ADGRV1: variants seen among roughly 807,000 people sequenced by gnomAD.
ADGRV1 encodes adhesion G protein-coupled receptor V1.
Under a neutral mutation model 596.2 loss-of-function variants are expected in ADGRV1, and 359 were observed. That is an observed-to-expected ratio of 0.60 (90% CI 0.55 to 0.66). The LOEUF (loss-of-function observed/expected upper bound fraction) is 0.66, where lower values mean the gene tolerates loss of function less well. ADGRV1 is among the 30% of genes least tolerant of loss of function. The probability of loss-of-function intolerance (pLI) is 0.00; values close to 1 mark genes in which losing one functional copy is unlikely to be tolerated. For missense variants in ADGRV1, 7,274 were observed against 7,575.6 expected, an observed-to-expected ratio of 0.96 and a Z score of 1.48; for synonymous variants, 2,681 against 2,679.2, an observed-to-expected ratio of 1.00 and a Z score of -0.02.
At chr5:90,890,873 C>A (rs766653458) in intron 83 of ADGRV1, among the ~76,000 whole-genome samples, 2 of 152,026 alleles carry the variant, frequency 1.3e-5, no homozygotes, top group Non-Finnish European at 2.9e-5. Flanking sequence ...TTTTTATCTG[C>A]TGATTTTAAT....
At chr5:90,824,121 T>G (rs1393513090) in intron 76 of ADGRV1, among the ~76,000 whole-genome samples, 1 of 152,228 alleles carries the variant, frequency 6.6e-6, no homozygotes, top group Non-Finnish European at 1.5e-5. Flanking sequence ...AACATTTCTT[T>G]CAGTATCACT....
In ADGRV1 at chr5:90,805,531, G is replaced by A. The variant is rs540257353; in HGVS notation, c.14836+73G>A. 4.3e-5 allele frequency: 55 copies of A among 1,274,808 alleles called. No homozygotes were observed. The African/African-American group carries it at 6.6e-4, about 15-fold the overall frequency. The allele number at this position is 1,274,808 out of a possible 1,614,324, so 79.0% of individuals were successfully genotyped here. ...TATCACTGGCCACTAATTGTCTTGGGTTATCCTTATTCTGGACACTAAATG... is the reference window on the plus strand; with the variant it reads ...TATCACTGGCCACTAATTGTCTTGGATTATCCTTATTCTGGACACTAAATG... On this transcript the variant is annotated intron_variant, in intron 72 of 89. Transcript: ENST00000405460.
At chr5:90,568,610 G>A (rs1755965170) in intron 1 of ADGRV1, among the ~76,000 whole-genome samples, 1 of 152,134 alleles carries the variant, frequency 6.6e-6, no homozygotes, top group Non-Finnish European at 1.5e-5. Context: ...GTGTTCTATA[G>A]ATGTGTATTA....
chr5:90,840,747 G>A lies in ADGRV1; in HGVS notation c.16781G>A (p.Arg5594His), dbSNP rs763649260. The A allele has an allele frequency of 4.3e-6, 7 of 1,613,804 alleles. No homozygotes were observed. Among genetic ancestry groups the A allele is most frequent in the South Asian group, 2.2e-5 (2 of 91,088 alleles). Residue 5594 changes from arginine to histidine, a missense_variant, in exon 78 of 90, where the codon CGC (arginine) becomes CAC (histidine). Around this residue, in one of 5 missense-constraint regions of ADGRV1, gnomAD observed 1,874 missense variants for 1,970.2 expected, o/e 0.95. Transcript: ENST00000405460. ...GGATCTTTAAATTCATTTCCTAAAC[G>A]CTTCCAGATTGTCCTTTTTGACCCA... The part of the protein sequence containing the change: ...ETGSLNSFPK[R>H]FQIVLFDPKG...
intron 85 of ADGRV1, among the ~76,000 whole-genome samples, chr5:91,063,346 C>A (rs1278702941): frequency 6.6e-6 from 1 of 152,190 alleles, no homozygotes; most frequent in Non-Finnish European, 1.5e-5. Context: ...CCCAAGATAA[C>A]TTCGCCACAA....
At chr5:91,090,802 C>A (rs1790318674) in intron 86 of ADGRV1, among the ~76,000 whole-genome samples, 1 of 151,984 alleles carries the variant, frequency 6.6e-6, no homozygotes, top group African/African-American at 2.4e-5. Flanking sequence ...CCTTCTAAAG[C>A]AAAAATTTAA....
chr5:91,120,535 T>C (rs1562244746), intron 87 of ADGRV1, among the ~76,000 whole-genome samples: 1 of 152,192 alleles, frequency 6.6e-6, no homozygotes, highest in Non-Finnish European at 1.5e-5. Context: ...ACTGAACATT[T>C]TTTTTTTCTA....
intron 85 of ADGRV1, 27 bp downstream of exon 85, chr5:90,985,549 C>T: frequency 6.3e-7 from 1 of 1,588,228 alleles, no homozygotes; most frequent in Non-Finnish European, 8.6e-7. Flanking sequence ...AACACATTGC[C>T]CTAGCTTTCA....
At chr5:90,751,306 G>C (rs1052938026) in intron 53 of ADGRV1, among the ~76,000 whole-genome samples, 1 of 152,130 alleles carries the variant, frequency 6.6e-6, no homozygotes, top group Non-Finnish European at 1.5e-5. Flanking sequence ...TCCCAGTTTA[G>C]AGCTAAGCTA....
At chr5:90,797,039 G>A (rs573660302) in intron 70 of ADGRV1, among the ~76,000 whole-genome samples, 14 of 151,796 alleles carry the variant, frequency 9.2e-5, no homozygotes, top group East Asian at 5.8e-4. Context: ...AAAGACCATC[G>A]ACACTATGAA....
intron 77 of ADGRV1, among the ~76,000 whole-genome samples, chr5:90,839,507 C>T (rs931135807): frequency 6.6e-6 from 1 of 152,188 alleles, no homozygotes. Context: ...AGTCACCACA[C>T]CCAGCCTCCA....
At chr5:91,109,177 C>T (rs1233476913) in intron 87 of ADGRV1, among the ~76,000 whole-genome samples, 2 of 152,172 alleles carry the variant, frequency 1.3e-5, no homozygotes, top group African/African-American at 4.8e-5. Flanking sequence ...AGGACTTCTT[C>T]TCGCCCAAGA....
At chr5:91,041,484 C>T (rs1207590727) in intron 85 of ADGRV1, among the ~76,000 whole-genome samples, 2 of 151,468 alleles carry the variant, frequency 1.3e-5, no homozygotes, top group East Asian at 1.9e-4. Flanking sequence ...TGGGGCCCAT[C>T]GAGGGGTGGG....
intron 87 of ADGRV1, among the ~76,000 whole-genome samples, chr5:91,135,515 C>T (rs1338472044): frequency 6.6e-6 from 1 of 152,168 alleles, no homozygotes; most frequent in Non-Finnish European, 1.5e-5. Flanking sequence ...TTCAAAATTT[C>T]TGGAAAGATG....
Position 90,694,043 on chromosome 5 carries a change from C to T in ADGRV1, c.7287C>T (p.Val2429=), listed in dbSNP as rs868796933. Residue 2429 remains valine (V), a synonymous_variant, in exon 33 of 90, where the codon GTC becomes GTT. Coordinates refer to ENST00000405460, the MANE Select transcript of ADGRV1 (RefSeq NM_032119.4). ...CACTTTGGAGAACTTGGATGAATGTCTCTGCCGTGGGGGAGCCCCTGTATA... is the reference window on the plus strand; with the variant it reads ...CACTTTGGAGAACTTGGATGAATGTTTCTGCCGTGGGGGAGCCCCTGTATA... ...PDPLWRTWMN[V]SAVGEPLYTC... 1.2e-6 allele frequency: 2 copies of T among 1,613,762 alleles called. No homozygotes were observed. Among genetic ancestry groups the T allele is most frequent in the Non-Finnish European group, 1.7e-6 (2 of 1,179,824 alleles).
chr5:90,734,021 T>C (rs1027765413), intron 50 of ADGRV1, among the ~76,000 whole-genome samples: 2 of 152,210 alleles, frequency 1.3e-5, no homozygotes, highest in African/African-American at 4.8e-5. Flanking sequence ...ATGCAGTATT[T>C]GTCTTTCTGT....
intron 26 of ADGRV1, 37 bp from the exon 27 acceptor site, chr5:90,681,278 A>G (rs752238631): frequency 3.4e-6 from 5 of 1,453,192 alleles, no homozygotes; most frequent in Non-Finnish European, 4.7e-6. Context: ...ACTGATCATC[A>G]TTTTTTTTTT....
chr5:90,803,823 T>A (rs1333630587), intron 71 of ADGRV1, among the ~76,000 whole-genome samples: 1 of 150,368 alleles, frequency 6.7e-6, no homozygotes, highest in African/African-American at 2.5e-5. Flanking sequence ...GTTCATGTGT[T>A]GTTATAAAAA....
At chr5:91,144,450 G>C (rs1451795964) in intron 87 of ADGRV1, among the ~76,000 whole-genome samples, 1 of 152,100 alleles carries the variant, frequency 6.6e-6, no homozygotes, top group Non-Finnish European at 1.5e-5. Flanking sequence ...GATGGCAGGT[G>C]TGTGCTACCA....
Sources: gnomAD v4.1 joint callset for allele counts (sites outside exome capture counted in the v4.1 genomes callset) on GRCh38, gnomAD v4.1.1 for gene constraint, gnomAD v4.1.1 regional missense constraint, MANE v1.5 for transcripts, NCBI Gene and HGNC (gene_info 2026-07-23, HGNC 2026-07-21) for gene names.